PPP2R5E: variants seen among roughly 807,000 people sequenced by gnomAD.
The protein encoded by PPP2R5E is protein phosphatase 2 regulatory subunit B'epsilon, also known as serine/threonine-protein phosphatase 2A 56 kDa regulatory subunit epsilon isoform.
PPP2R5E carries 4 observed loss-of-function variants against 65.3 expected under a neutral mutation model. That is an observed-to-expected ratio of 0.06 (90% CI 0.03 to 0.14). PPP2R5E has a LOEUF of 0.14. Among genes scored for constraint, PPP2R5E ranks in the 10% least tolerant of loss-of-function variants. The probability of loss-of-function intolerance (pLI) is 1.00; values close to 1 mark genes in which losing one functional copy is unlikely to be tolerated. For synonymous variants in PPP2R5E, 183 were observed against 187.4 expected (o/e 0.98, Z 0.19); for missense variants, 274 against 556.1 (o/e 0.49, Z 5.10).
At chr14:63,445,971 G>T (rs1888455509) in intron 3 of PPP2R5E, among the ~76,000 whole-genome samples, 1 of 152,162 alleles carries the variant, frequency 6.6e-6, no homozygotes, top group African/African-American at 2.4e-5. Flanking sequence ...TCAAATTGGA[G>T]TCAATCCTCC....
At chr14:63,533,250 A>C (rs1404003882) in intron 2 of PPP2R5E, among the ~76,000 whole-genome samples, 1 of 152,240 alleles carries the variant, frequency 6.6e-6, no homozygotes, top group East Asian at 1.9e-4. Flanking sequence ...ATATAGACGA[A>C]AAAGGCAATC....
chr14:63,453,171 A>C (rs1339428331), intron 3 of PPP2R5E: 1 of 152,260 alleles, frequency 6.6e-6, no homozygotes, highest in Non-Finnish European at 1.5e-5. Flanking sequence ...CTAAGACACT[A>C]TTCAAAAATC....
chr14:63,398,996 C>T (rs545278413), intron 5 of PPP2R5E, among the ~76,000 whole-genome samples: 87 of 152,296 alleles, frequency 5.7e-4, no homozygotes, highest in African/African-American at 2.0e-3. Context: ...TACTATATGA[C>T]TAAGCGATTC....
At chr14:63,522,068 CGA>C (rs980288833) in intron 2 of PPP2R5E, among the ~76,000 whole-genome samples, 1 of 147,092 alleles carries the variant, frequency 6.8e-6, no homozygotes, top group African/African-American at 2.5e-5. Context: ...CTCAGCTTGC[CGA>C]GTGCCTGCGA....
intron 5 of PPP2R5E, among the ~76,000 whole-genome samples, chr14:63,402,904 C>T (rs555461807): frequency 6.6e-6 from 1 of 151,940 alleles, no homozygotes; most frequent in East Asian, 1.9e-4. Context: ...ATTAAGTGTT[C>T]TGCACAATAA....
intron 3 of PPP2R5E, among the ~76,000 whole-genome samples, chr14:63,440,948 C>CAAACAA (rs1888205696): frequency 1.5e-5 from 1 of 67,668 alleles, no homozygotes; most frequent in Non-Finnish European, 2.9e-5. Context: ...GACTCCATCT[C>CAAACAA]AAAAAAAAAA....
At chr14:63,380,819 A>T (rs1057314464) in intron 13 of PPP2R5E, among the ~76,000 whole-genome samples, 6 of 152,108 alleles carry the variant, frequency 3.9e-5, no homozygotes, top group African/African-American at 1.4e-4. Context: ...GTTTTCATAA[A>T]CCACATCCCT....
intron 5 of PPP2R5E, among the ~76,000 whole-genome samples, chr14:63,413,222 C>G (rs1886501861): frequency 6.6e-6 from 1 of 152,150 alleles, no homozygotes; most frequent in Non-Finnish European, 1.5e-5. Context: ...CTGGGCTGAG[C>G]CCTGGATGTT....
intron 3 of PPP2R5E, among the ~76,000 whole-genome samples, chr14:63,422,454 C>T (rs1887079426): frequency 6.6e-6 from 1 of 152,170 alleles, no homozygotes; most frequent in Non-Finnish European, 1.5e-5. Context: ...TGGCCGGGCG[C>T]AGTGGCTCAC....
rs550925590 is a variant in PPP2R5E, at chr14:63,394,001, T to G, written c.741-73A>C. ...ACTGAGACAAACTGTTCTTGTGATA[T>G]TAATTAAACTTAATCAGTTTGTTTG... On this transcript the variant is annotated intron_variant, in intron 7 of 13. Transcript: ENST00000337537. The G allele has an allele frequency of 7.5e-4, 617 of 825,348 alleles. 7 individuals carry two copies. In the South Asian group the frequency reaches 9.0e-3, roughly 12 times the overall value. 51.1% of individuals were successfully genotyped at this position (825,348 alleles called of 1,614,324 possible).
chr14:63,434,509 A>T (rs765848172), intron 3 of PPP2R5E, among the ~76,000 whole-genome samples: 5 of 152,232 alleles, frequency 3.3e-5, no homozygotes, highest in African/African-American at 4.8e-5. Flanking sequence ...CTAGAGGTAG[A>T]ACAAGTCCCA....
intron 11 of PPP2R5E, among the ~76,000 whole-genome samples, chr14:63,386,193 A>G (rs935476147): frequency 3.9e-5 from 6 of 152,224 alleles, no homozygotes; most frequent in African/African-American, 1.4e-4. Flanking sequence ...TTCAAAAAAC[A>G]AAACAAAACC....
intron 2 of PPP2R5E, among the ~76,000 whole-genome samples, chr14:63,464,326 G>A (rs1016831724): frequency 1.3e-5 from 2 of 152,186 alleles, no homozygotes; most frequent in Non-Finnish European, 2.9e-5. Flanking sequence ...GGCACGCTGG[G>A]GTTGAAGGGT....
At chr14:63,433,245 T>C (rs1360556788) in intron 3 of PPP2R5E, among the ~76,000 whole-genome samples, 1 of 151,964 alleles carries the variant, frequency 6.6e-6, no homozygotes, top group Non-Finnish European at 1.5e-5. Flanking sequence ...ACCATGTTGC[T>C]CAGGCTGATC....
In PPP2R5E at chr14:63,372,633, C is replaced by T; in HGVS notation, c.*3376G>A. The stretch of plus-strand genomic sequence containing the variant: ...AACACTTAAAAATGCCAATAACATC[C>T]ATACATCCCTTTCCCATCCCACCCT... On this transcript the variant is annotated 3_prime_UTR_variant, in exon 14 of 14. Transcript: ENST00000337537. 1 of 152,090 alleles carries T rather than the reference C, an allele frequency of 6.6e-6. No individual in the cohort carries two copies. The highest frequency in any genetic ancestry group is 1.5e-5 in the Non-Finnish European group (1 of 68,014). The allele number at this position is 152,090 out of a possible 1,614,324, so 9.4% of individuals were successfully genotyped here.
chr14:63,487,959 T>C (rs959510977), intron 2 of PPP2R5E, among the ~76,000 whole-genome samples: 1 of 152,216 alleles, frequency 6.6e-6, no homozygotes. Context: ...TGCTTCCTTA[T>C]ATTCTCCCTC....
At chr14:63,512,491 C>T (rs1270782111) in intron 2 of PPP2R5E, among the ~76,000 whole-genome samples, 1 of 152,204 alleles carries the variant, frequency 6.6e-6, no homozygotes, top group Non-Finnish European at 1.5e-5. Flanking sequence ...TTATAGATAT[C>T]ATTTTTCTTC....
chr14:63,512,041 T>C (rs1467666565), intron 2 of PPP2R5E, among the ~76,000 whole-genome samples: 1 of 132,588 alleles, frequency 7.5e-6, no homozygotes, highest in Admixed American at 8.9e-5. Flanking sequence ...ATTGTGCCAC[T>C]GCACTCCAGC....
intron 4 of PPP2R5E, among the ~76,000 whole-genome samples, chr14:63,416,584 G>C (rs952286585): frequency 1.3e-5 from 2 of 151,102 alleles, no homozygotes; most frequent in African/African-American, 4.9e-5. Flanking sequence ...CAAAGCTTTT[G>C]TTTATATGAG....
Sources: allele counts gnomAD v4.1 joint callset (sites outside exome capture counted in the v4.1 genomes callset), GRCh38; gene constraint gnomAD v4.1.1; transcripts MANE v1.5; gene names NCBI Gene and HGNC (gene_info 2026-07-23, HGNC 2026-07-21).